PPP1R9A: variants seen among roughly 807,000 people sequenced by gnomAD.
The protein encoded by PPP1R9A is protein phosphatase 1 regulatory subunit 9A.
Under a neutral mutation model 141.9 loss-of-function variants are expected in PPP1R9A, and 59 were observed. The ratio of observed to expected loss-of-function variants is 0.42; its 90% CI spans 0.34 to 0.52. The LOEUF (loss-of-function observed/expected upper bound fraction) is 0.52, where lower values mean the gene tolerates loss of function less well. PPP1R9A is among the 20% of genes least tolerant of loss of function. The pLI, the probability that PPP1R9A is intolerant of heterozygous loss-of-function variation, is 0.10. For missense variants in PPP1R9A, 1,444 were observed against 1,611.9 expected (o/e 0.90, Z 1.78); for synonymous variants, 500 against 569.7 (o/e 0.88, Z 1.74).
chr7:95,255,469 C>G (rs1799443417), intron 12 of PPP1R9A, among the ~76,000 whole-genome samples: 1 of 152,080 alleles, frequency 6.6e-6, no homozygotes, highest in Admixed American at 6.6e-5. Flanking sequence ...CGTGAGAGAT[C>G]AGGAGTAAGT....
intron 2 of PPP1R9A, among the ~76,000 whole-genome samples, chr7:94,926,812 G>A (rs920912302): frequency 4.6e-5 from 7 of 151,372 alleles, no homozygotes; most frequent in Admixed American, 2.0e-4. Context: ...TTTTGTAGTC[G>A]GTTGTCTCAT....
chr7:95,045,627 A>C (rs763460460), intron 2 of PPP1R9A, among the ~76,000 whole-genome samples: 17 of 152,172 alleles, frequency 1.1e-4, no homozygotes, highest in Admixed American at 6.5e-5. Context: ...GTTTTTATCT[A>C]TTGTGAAATT....
At chr7:95,057,185 G>A (rs1361883623) in intron 2 of PPP1R9A, among the ~76,000 whole-genome samples, 1 of 151,942 alleles carries the variant, frequency 6.6e-6, no homozygotes, top group Non-Finnish European at 1.5e-5. Context: ...GAAATTCACA[G>A]TCTTTGAACT....
At chr7:95,244,432 G>A (rs1167021482) in intron 8 of PPP1R9A, among the ~76,000 whole-genome samples, 2 of 152,092 alleles carry the variant, frequency 1.3e-5, no homozygotes, top group East Asian at 1.9e-4. Flanking sequence ...TTTCATAAAT[G>A]TCACACCTGT....
At chr7:95,172,193 A>G (rs1345397628) in intron 5 of PPP1R9A, among the ~76,000 whole-genome samples, 1 of 151,692 alleles carries the variant, frequency 6.6e-6, no homozygotes, top group Non-Finnish European at 1.5e-5. Context: ...ATTAAGAACA[A>G]TGCAAATATC....
At chr7:95,200,979 T>C (rs1789445688) in intron 6 of PPP1R9A, among the ~76,000 whole-genome samples, 2 of 152,334 alleles carry the variant, frequency 1.3e-5, no homozygotes, top group South Asian at 4.1e-4. Context: ...TGTGCTGTTT[T>C]TGAGTAGCAT....
intron 4 of PPP1R9A, among the ~76,000 whole-genome samples, chr7:95,153,498 A>C (rs957585386): frequency 6.6e-6 from 1 of 152,246 alleles, no homozygotes. Flanking sequence ...CAGGTTAACT[A>C]GTATTTTCTG....
chr7:95,165,402 G>A (rs1025237895), intron 5 of PPP1R9A, among the ~76,000 whole-genome samples: 13 of 152,208 alleles, frequency 8.5e-5, no homozygotes, highest in Middle Eastern at 3.2e-3. Flanking sequence ...GGAAGACGTT[G>A]GGCCTACCAG....
At chr7:95,062,928 T>C (rs568195640) in intron 2 of PPP1R9A, among the ~76,000 whole-genome samples, 4 of 152,088 alleles carry the variant, frequency 2.6e-5, no homozygotes, top group Non-Finnish European at 5.9e-5. Flanking sequence ...GACTGCAGGG[T>C]TGCAGCTGCA....
At chr7:95,232,691 A>G (rs1282400511) in intron 8 of PPP1R9A, among the ~76,000 whole-genome samples, 1 of 152,152 alleles carries the variant, frequency 6.6e-6, no homozygotes, top group Non-Finnish European at 1.5e-5. Context: ...AAACAACCCC[A>G]TCAAAAAGTG....
chr7:95,275,306 G>T (rs1439670359), intron 16 of PPP1R9A, among the ~76,000 whole-genome samples: 1 of 151,954 alleles, frequency 6.6e-6, no homozygotes, highest in Non-Finnish European at 1.5e-5. Context: ...TACTCGGGAG[G>T]CTGAGGCAGG....
At position 95,006,267 on chromosome 7, in the gene PPP1R9A, G is replaced by A. The variant is rs1365009462; in HGVS notation, c.1395+94759G>A. On this transcript the variant is annotated intron_variant, in intron 2 of 19. Coordinates refer to ENST00000433360, the MANE Select transcript of PPP1R9A (RefSeq NM_001166160.2). ...GAGTTTCACTCTTTTGCCCAGGCTGGAGTGAAGCCGCACAATCTCCGCTCA... is the reference window on the plus strand; with the variant it reads ...GAGTTTCACTCTTTTGCCCAGGCTGAAGTGAAGCCGCACAATCTCCGCTCA... 3.3e-5 allele frequency among the ~76,000 whole-genome samples: 5 copies of A among 151,634 alleles called. No homozygotes were observed. In the East Asian group the frequency reaches 9.7e-4, roughly 29 times the overall value.
intron 14 of PPP1R9A, among the ~76,000 whole-genome samples, chr7:95,271,922 A>C (rs1802245198): frequency 6.6e-6 from 1 of 152,208 alleles, no homozygotes; most frequent in Non-Finnish European, 1.5e-5. Flanking sequence ...AGTGTGCATT[A>C]AAGATGGATT....
At chr7:95,137,415 C>CAAAAAAAGAA (rs1825855175) in intron 4 of PPP1R9A, among the ~76,000 whole-genome samples, 1 of 91,522 alleles carries the variant, frequency 1.1e-5, no homozygotes, top group African/African-American at 4.3e-5. Flanking sequence ...GACATGAACT[C>CAAAAAAAGAA]AAAAAAAAAA....
rs776142591 is a variant in PPP1R9A at position 95,269,300 on chromosome 7, C to G, written c.2917C>G (p.Pro973Ala). The change falls in exon 14 of 20, where the codon CCA (proline) becomes GCA (alanine). Residue 973 changes from proline to alanine, a missense_variant. This residue lies in a region of PPP1R9A where 459 missense variants were observed against 513.8 expected (regional missense o/e 0.89). Transcript: ENST00000433360. ...TSSPESDSGV[P>A]PLTPVDSNVP... ...TTCTCCAGAATCAGATTCTGGTGTTCCACCCCTCACCCCGGTGGATAGCAA... is the reference window on the plus strand; with the variant it reads ...TTCTCCAGAATCAGATTCTGGTGTTGCACCCCTCACCCCGGTGGATAGCAA... 1 of 1,597,034 alleles carries G rather than the reference C, an allele frequency of 6.3e-7. No individual in the cohort carries two copies. The highest frequency in any genetic ancestry group is 1.7e-5 in the Admixed American group (1 of 59,766).
chr7:95,216,063 A>G (rs1793339282), intron 7 of PPP1R9A, among the ~76,000 whole-genome samples: 1 of 152,140 alleles, frequency 6.6e-6, no homozygotes, highest in Admixed American at 6.5e-5. Context: ...TATGTTCTGA[A>G]TGGTATTGCC....
intron 2 of PPP1R9A, among the ~76,000 whole-genome samples, chr7:95,072,851 T>TA (rs1157290320): frequency 3.0e-4 from 33 of 109,176 alleles, no homozygotes; most frequent in African/African-American, 1.1e-3. Context: ...TTATATATAA[T>TA]ATAAGTTATA....
rs936790525 is a variant in PPP1R9A at position 94,907,601 on chromosome 7, G to T, written c.-318G>T. 6.6e-6 allele frequency: 1 copy of T among 152,160 alleles called. No individual in the cohort carries two copies. The highest frequency in any genetic ancestry group is 2.4e-5 in the African/African-American group (1 of 41,378). 9.4% of individuals were successfully genotyped at this position (152,160 alleles called of 1,614,324 possible). A position where few individuals can be genotyped will look rare whatever the true frequency, so the allele number is the denominator to read the frequency against. ...GCCTCGCCTCGGGCCGGTGCTTTTC[G>T]CCCTTCCTTGGCCGCCAGAGGCTCC... On this transcript the variant is annotated 5_prime_UTR_variant, in exon 1 of 20. Transcript: ENST00000433360.
Position 95,226,066 on chromosome 7 carries a change from T to C in PPP1R9A, c.2062T>C (p.Phe688Leu), listed in dbSNP as rs1446284218. ...TGAGCTGCCTGAGAATGAGGACATG[T>C]TTTCCCCATCAGAACTGGACACAAG... ...VFELPENEDMFSPSELDTSKL... is the reference protein window; with the variant it reads ...VFELPENEDMLSPSELDTSKL... Residue 688 changes from phenylalanine to leucine, a missense_variant, in exon 8 of 20, where the codon TTT (phenylalanine) becomes CTT (leucine). Around this residue, in one of 5 missense-constraint regions of PPP1R9A, gnomAD observed 488 missense variants for 542.0 expected, o/e 0.90. Coordinates refer to ENST00000433360, the MANE Select transcript of PPP1R9A (RefSeq NM_001166160.2). 1 of 1,613,428 alleles carries C rather than the reference T, an allele frequency of 6.2e-7. No homozygotes were observed. Among genetic ancestry groups the C allele is most frequent in the African/African-American group, 1.3e-5 (1 of 74,892 alleles).
Sources: gnomAD v4.1 joint callset for allele counts (sites outside exome capture counted in the v4.1 genomes callset) on GRCh38, gnomAD v4.1.1 for gene constraint, gnomAD v4.1.1 regional missense constraint, MANE v1.5 for transcripts, NCBI Gene and HGNC (gene_info 2026-07-23, HGNC 2026-07-21) for gene names.